PIK3CA: variants seen among roughly 807,000 people sequenced by gnomAD.
PIK3CA encodes phosphatidylinositol 4,5-bisphosphate 3-kinase catalytic subunit alpha isoform.
A neutral mutation model predicts 138.2 loss-of-function variants in PIK3CA; 27 were observed. The ratio of observed to expected loss-of-function variants is 0.20; its 90% CI spans 0.14 to 0.27. The LOEUF (loss-of-function observed/expected upper bound fraction) is 0.27, where lower values mean the gene tolerates loss of function less well. Ranked by LOEUF, PIK3CA falls within the 10% of genes least tolerant of loss-of-function variation. PIK3CA has a pLI of 1.00. For missense variants in PIK3CA, 544 were observed against 1,277.4 expected (o/e 0.43, Z 8.75); for synonymous variants, 358 against 413.2 (o/e 0.87, Z 1.62).
In PIK3CA at chr3:179,215,873, T is replaced by C. The variant is rs1335790116; in HGVS notation, c.1540-2337T>C. Among the ~76,000 whole-genome samples, 5 of 151,926 alleles carry C rather than the reference T, an allele frequency of 3.3e-5. No homozygotes were observed. The East Asian group carries it at 7.7e-4, about 23-fold the overall frequency. On this transcript the variant is annotated intron_variant, in intron 9 of 20. Coordinates refer to ENST00000263967, the MANE Select transcript of PIK3CA (RefSeq NM_006218.4). ...TAGATAGTAGCAGCCTAGAGCAGAG[T>C]TTCCCAACCTCAGCACTATTGACAT...
In PIK3CA at chr3:179,240,023, C is replaced by G; in HGVS notation, c.*5659C>G. On this transcript the variant is annotated 3_prime_UTR_variant, in exon 21 of 21. Coordinates refer to ENST00000263967, the MANE Select transcript of PIK3CA (RefSeq NM_006218.4). Reference sequence around the variant, plus strand: ...ACTGTTTATGCTCATCAGAAACTGTCAATGTCTGCTTTTCTTTAACTCTGC... The same window carrying G: ...ACTGTTTATGCTCATCAGAAACTGTGAATGTCTGCTTTTCTTTAACTCTGC... 6.5e-7 allele frequency: 1 copy of G among 1,547,674 alleles called. No homozygotes were observed. Among genetic ancestry groups the G allele is most frequent in the South Asian group, 1.2e-5 (1 of 83,640 alleles).
intron 1 of PIK3CA, among the ~76,000 whole-genome samples, chr3:179,175,149 C>G (rs1439312225): frequency 6.6e-6 from 1 of 152,160 alleles, no homozygotes; most frequent in Non-Finnish European, 1.5e-5. Context: ...CTACCTCATT[C>G]TATAGGAGCT....
At position 179,198,792 on chromosome 3, in the gene PIK3CA, G is replaced by A; in HGVS notation, c.-34G>A. ...ACCATACATCTAATTCCTTAAAGTA[G>A]TTTTATATGTAAAACTTGCAAAGAA... On this transcript the variant is annotated 5_prime_UTR_variant, in exon 2 of 21. The change abolishes the stop of an existing upstream ORF in the 5' untranslated region. Transcript: ENST00000263967. The A allele has an allele frequency of 7.9e-7, 1 of 1,268,236 alleles. No individual in the cohort carries two copies. Among genetic ancestry groups the A allele is most frequent in the Non-Finnish European group, 1.1e-6 (1 of 921,476 alleles). The allele number at this position is 1,268,236 out of a possible 1,614,324, so 78.6% of individuals were successfully genotyped here.
At chr3:179,218,369 T>C (rs773302743) in intron 10 of PIK3CA, 35 bp downstream of exon 10, 1 of 1,551,058 alleles carries the variant, frequency 6.4e-7, no homozygotes, top group African/African-American at 1.4e-5. Context: ...TGTTTCTTTT[T>C]CTTTATTACA....
At chr3:179,154,671 A>G (rs1487236513) in intron 1 of PIK3CA, among the ~76,000 whole-genome samples, 1 of 152,224 alleles carries the variant, frequency 6.6e-6, no homozygotes, top group Non-Finnish European at 1.5e-5. Flanking sequence ...TTGCTTGCTA[A>G]GTAACATAAT....
intron 4 of PIK3CA, among the ~76,000 whole-genome samples, chr3:179,201,923 A>T (rs923018710): frequency 5.9e-5 from 9 of 151,584 alleles, no homozygotes; most frequent in African/African-American, 1.9e-4. Context: ...TATTTTTAGG[A>T]TATACTTCTT....
At chr3:179,173,928 A>C (rs1011026578) in intron 1 of PIK3CA, among the ~76,000 whole-genome samples, 1 of 151,562 alleles carries the variant, frequency 6.6e-6, no homozygotes, top group African/African-American at 2.4e-5. Flanking sequence ...GGGTTTCGCT[A>C]TATTGGCCAG....
intron 1 of PIK3CA, among the ~76,000 whole-genome samples, chr3:179,170,076 G>GCGCACACACA (rs1553815527): frequency 1.4e-5 from 2 of 139,210 alleles, no homozygotes; most frequent in East Asian, 2.0e-4. Context: ...ACGCGCGCGC[G>GCGCACACACA]CACACACACA....
Position 179,194,363 on chromosome 3 carries a change from A to G in PIK3CA, c.-76-4387A>G, listed in dbSNP as rs936399669. On this transcript the variant is annotated intron_variant, in intron 1 of 20. Transcript: ENST00000263967. The stretch of plus-strand genomic sequence containing the variant: ...CTCAGCCTCCTGAGTACCTGGGACC[A>G]TAGGCATGTGCCACCACACCTAGCT... Among the ~76,000 whole-genome samples the G allele has an allele frequency of 3.9e-5, 6 of 152,228 alleles. No homozygotes were observed. The South Asian group carries it at 8.3e-4, about 21-fold the overall frequency.
At chr3:179,180,297 GC>G (rs1723809195) in intron 1 of PIK3CA, among the ~76,000 whole-genome samples, 1 of 152,028 alleles carries the variant, frequency 6.6e-6, no homozygotes, top group Admixed American at 6.6e-5. Context: ...CAGAAATCAG[GC>G]CCACTTTCTC....
chr3:179,166,736 A>G (rs1218044718), intron 1 of PIK3CA, among the ~76,000 whole-genome samples: 1 of 152,166 alleles, frequency 6.6e-6, no homozygotes, highest in Non-Finnish European at 1.5e-5. Flanking sequence ...ATGGGTTTCC[A>G]CTGTAGTTTT....
intron 1 of PIK3CA, among the ~76,000 whole-genome samples, chr3:179,186,999 G>A (rs1723998339): frequency 6.6e-6 from 1 of 151,666 alleles, no homozygotes; most frequent in African/African-American, 2.4e-5. Flanking sequence ...CTCTCTTTAT[G>A]CAAAAGATGC....
At chr3:179,205,280 G>A (rs776587554) in intron 6 of PIK3CA, among the ~76,000 whole-genome samples, 4 of 152,116 alleles carry the variant, frequency 2.6e-5, no homozygotes, top group Admixed American at 2.6e-4. Context: ...TGTACATATA[G>A]ACCAGCAAGA....
rs1042482131 is a variant in PIK3CA, at chr3:179,237,134, T to C, written c.*2770T>C. On this transcript the variant is annotated 3_prime_UTR_variant, in exon 21 of 21. Coordinates refer to ENST00000263967, the MANE Select transcript of PIK3CA (RefSeq NM_006218.4). Reference sequence around the variant, plus strand: ...TCACTTTCTACCATATTCTCAGCTATACAAAACCATTTATTTTGAAGATTT... The same window carrying C: ...TCACTTTCTACCATATTCTCAGCTACACAAAACCATTTATTTTGAAGATTT... The C allele has an allele frequency of 3.6e-5, 7 of 196,164 alleles. No homozygotes were observed. Among genetic ancestry groups the C allele is most frequent in the Non-Finnish European group, 5.3e-5 (5 of 94,540 alleles). The allele number at this position is 196,164 out of a possible 1,614,324, so 12.2% of individuals were successfully genotyped here.
At chr3:179,191,201 G>A (rs753230898) in intron 1 of PIK3CA, among the ~76,000 whole-genome samples, 3 of 152,148 alleles carry the variant, frequency 2.0e-5, no homozygotes, top group Admixed American at 2.0e-4. Flanking sequence ...TTCTGATGCT[G>A]CTTTTTTAGT....
intron 1 of PIK3CA, among the ~76,000 whole-genome samples, chr3:179,150,544 A>C (rs1168407179): frequency 1.3e-5 from 2 of 152,202 alleles, no homozygotes; most frequent in African/African-American, 2.4e-5. Flanking sequence ...AAGAGATGTT[A>C]CTAAATACAA....
At chr3:179,156,441 A>G (rs748994665) in intron 1 of PIK3CA, among the ~76,000 whole-genome samples, 10 of 152,198 alleles carry the variant, frequency 6.6e-5, no homozygotes, top group Non-Finnish European at 1.2e-4. Context: ...AAAGACTTCT[A>G]GGAAAGTATA....
chr3:179,181,950 T>C (rs1280761159), intron 1 of PIK3CA, among the ~76,000 whole-genome samples: 1 of 152,204 alleles, frequency 6.6e-6, no homozygotes, highest in Non-Finnish European at 1.5e-5. Context: ...TAATTATAAT[T>C]ATTGGGCACA....
At chr3:179,164,382 T>C (rs1440990086) in intron 1 of PIK3CA, among the ~76,000 whole-genome samples, 1 of 152,130 alleles carries the variant, frequency 6.6e-6, no homozygotes, top group Non-Finnish European at 1.5e-5. Flanking sequence ...ATGGGATTCA[T>C]TTACATTGAA....
Sources: allele counts gnomAD v4.1 joint callset (sites outside exome capture counted in the v4.1 genomes callset), GRCh38; gene constraint gnomAD v4.1.1; transcripts MANE v1.5; gene names NCBI Gene and HGNC (gene_info 2026-07-23, HGNC 2026-07-21).